Variants in IMMP2L observed in about 807,000 individuals in gnomAD.
IMMP2L encodes the protein mitochondrial inner membrane protease subunit 2.
In IMMP2L, 18 loss-of-function variants were observed where a neutral mutation model predicts 19.3. That is an observed-to-expected ratio of 0.93 (90% confidence interval 0.64 to 1.38). IMMP2L has a LOEUF of 1.38. Among genes scored for constraint, IMMP2L ranks in the 40% most tolerant of loss-of-function variants. IMMP2L has a pLI of 0.00. For missense variants in IMMP2L, 233 were observed against 218.2 expected (o/e 1.07, Z -0.43); for synonymous variants, 76 against 73.0 (o/e 1.04, Z -0.21).
Position 110,889,625 on chromosome 7 carries a change from G to A in IMMP2L, c.306-2930C>T, listed in dbSNP as rs372619404. On this transcript the variant is annotated intron_variant, in intron 4 of 5. Coordinates refer to ENST00000405709, the MANE Select transcript of IMMP2L (RefSeq NM_032549.4). ...ACAGGCCACAGACCAGTACCAGTCC[G>A]TGGCCTGGGGGTTAGGGACTCCTGC... is the stretch of plus-strand genomic sequence containing the variant. 2.4e-4 allele frequency among the ~76,000 whole-genome samples: 37 copies of A among 152,164 alleles called. 1 individual carries two copies. The highest frequency in any genetic ancestry group is 2.2e-4 in the Non-Finnish European group (15 of 68,014).
At chr7:111,282,915 C>T (rs1188028962) in intron 3 of IMMP2L, among the ~76,000 whole-genome samples, 2 of 152,002 alleles carry the variant, frequency 1.3e-5, no homozygotes, top group Non-Finnish European at 2.9e-5. Context: ...CATAGAACCA[C>T]TAACTAGACA....
intron 3 of IMMP2L, among the ~76,000 whole-genome samples, chr7:111,204,613 A>T (rs530343475): frequency 7.2e-5 from 11 of 152,278 alleles, no homozygotes; most frequent in East Asian, 3.9e-4. Context: ...ATAAATTTTT[A>T]AAAAAATAAA....
At chr7:111,196,071 T>C (rs1374949835) in intron 3 of IMMP2L, among the ~76,000 whole-genome samples, 1 of 152,034 alleles carries the variant, frequency 6.6e-6, no homozygotes, top group Non-Finnish European at 1.5e-5. Flanking sequence ...ACAGTATCTC[T>C]CTGTGTTGCC....
chr7:111,467,000 A>G (rs755131670), intron 3 of IMMP2L, among the ~76,000 whole-genome samples: 1 of 152,188 alleles, frequency 6.6e-6, no homozygotes, highest in Non-Finnish European at 1.5e-5. Flanking sequence ...TTCCCCATGG[A>G]TATGAAGGGA....
chr7:111,185,456 A>T (rs1808164413), intron 3 of IMMP2L, among the ~76,000 whole-genome samples: 1 of 152,152 alleles, frequency 6.6e-6, no homozygotes, highest in African/African-American at 2.4e-5. Context: ...TCCAGATGTC[A>T]GGAGGCATGA....
intron 5 of IMMP2L, among the ~76,000 whole-genome samples, chr7:110,815,557 G>C (rs541640249): frequency 2.0e-5 from 3 of 151,826 alleles, no homozygotes; most frequent in South Asian, 2.1e-4. Context: ...GCTCCTCCTT[G>C]TACCTCTGGT....
At chr7:111,039,655 T>C in intron 3 of IMMP2L, among the ~76,000 whole-genome samples, 1 of 152,282 alleles carries the variant, frequency 6.6e-6, no homozygotes, top group East Asian at 1.9e-4. Context: ...GTGGTTTTTT[T>C]AAAAACCATC....
At chr7:111,095,455 G>A (rs1260252149) in intron 3 of IMMP2L, among the ~76,000 whole-genome samples, 1 of 151,726 alleles carries the variant, frequency 6.6e-6, no homozygotes, top group Non-Finnish European at 1.5e-5. Flanking sequence ...GTACAAAAAA[G>A]AGAAATATTT....
intron 4 of IMMP2L, among the ~76,000 whole-genome samples, chr7:110,925,800 G>A (rs929475742): frequency 3.3e-5 from 5 of 151,836 alleles, no homozygotes; most frequent in Admixed American, 6.6e-5. Context: ...CTCAATCCAC[G>A]AGAAAAGAAA....
At position 110,891,368 on chromosome 7, in the gene IMMP2L, G is replaced by T. The variant is rs141358893; in HGVS notation, c.306-4673C>A. ...CCTTCCGCTCTCAAGTGAAACTAAG[G>T]TTCGAATTCACACTACTTGGGTAGT... On this transcript the variant is annotated intron_variant, in intron 4 of 5. Coordinates refer to ENST00000405709, the MANE Select transcript of IMMP2L (RefSeq NM_032549.4). 1.3e-3 allele frequency among the ~76,000 whole-genome samples: 194 copies of T among 152,292 alleles called. 1 individual carries two copies. Among genetic ancestry groups the T allele is most frequent in the African/African-American group, 4.5e-3 (187 of 41,576 alleles).
At chr7:111,162,326 C>T (rs575136094) in intron 3 of IMMP2L, among the ~76,000 whole-genome samples, 4 of 152,006 alleles carry the variant, frequency 2.6e-5, no homozygotes, top group South Asian at 4.1e-4. Flanking sequence ...TATAATTTTA[C>T]GAATTTATTC....
intron 3 of IMMP2L, among the ~76,000 whole-genome samples, chr7:111,243,546 A>G (rs1423442606): frequency 3.0e-4 from 41 of 136,144 alleles, no homozygotes; most frequent in African/African-American, 1.0e-3. Context: ...TCTAAGTTTT[A>G]GGGTACATGT....
At chr7:110,962,036 A>T (rs1819001417) in intron 4 of IMMP2L, among the ~76,000 whole-genome samples, 1 of 151,938 alleles carries the variant, frequency 6.6e-6, no homozygotes, top group African/African-American at 2.4e-5. Flanking sequence ...AAACTCATTG[A>T]ACTGTATATT....
At chr7:110,937,364 TG>T in intron 4 of IMMP2L, among the ~76,000 whole-genome samples, 1 of 152,238 alleles carries the variant, frequency 6.6e-6, no homozygotes, top group East Asian at 1.9e-4. Context: ...CGTGGGCCAC[TG>T]GGTTTATGTA....
chr7:110,706,816 G>C (rs758179899), intron 5 of IMMP2L, among the ~76,000 whole-genome samples: 12 of 151,892 alleles, frequency 7.9e-5, no homozygotes, highest in Non-Finnish European at 1.3e-4. Context: ...TCTATTGATA[G>C]TTTCTTTTGC....
chr7:111,226,097 CT>C (rs1813061962), intron 3 of IMMP2L, among the ~76,000 whole-genome samples: 5 of 152,000 alleles, frequency 3.3e-5, no homozygotes, highest in Admixed American at 3.3e-4. Flanking sequence ...AATCATACCT[CT>C]TCTTCCCCAT....
rs564476007 is a variant in IMMP2L at position 111,199,865 on chromosome 7, T to C, written c.240-236300A>G. On this transcript the variant is annotated intron_variant, in intron 3 of 5. Coordinates refer to ENST00000405709, the MANE Select transcript of IMMP2L (RefSeq NM_032549.4). ...GCATCAGTGGTTTACCTCTAAATGATCCAGTCCCTCCAGGAAACTGGGTGT... is the reference window on the plus strand; with the variant it reads ...GCATCAGTGGTTTACCTCTAAATGACCCAGTCCCTCCAGGAAACTGGGTGT... Among the ~76,000 whole-genome samples, 5 of 152,254 alleles carry C rather than the reference T, an allele frequency of 3.3e-5. No individual in the cohort carries two copies. The South Asian group carries it at 1.0e-3, about 31-fold the overall frequency.
At chr7:111,229,614 C>T (rs1813503251) in intron 3 of IMMP2L, among the ~76,000 whole-genome samples, 1 of 151,946 alleles carries the variant, frequency 6.6e-6, no homozygotes, top group African/African-American at 2.4e-5. Flanking sequence ...GGTTTAAGTG[C>T]TTAACTTACC....
intron 4 of IMMP2L, among the ~76,000 whole-genome samples, chr7:110,928,177 G>C (rs993348137): frequency 6.6e-6 from 1 of 151,706 alleles, no homozygotes; most frequent in Non-Finnish European, 1.5e-5. Context: ...AAATCACTAT[G>C]GAGGGCATCA....
Sources: gnomAD v4.1 joint callset for allele counts (sites outside exome capture counted in the v4.1 genomes callset) on GRCh38, gnomAD v4.1.1 for gene constraint, MANE v1.5 for transcripts, NCBI Gene and HGNC (gene_info 2026-07-23, HGNC 2026-07-21) for gene names.